DLC1: variants seen among roughly 807,000 people sequenced by gnomAD.
DLC1 encodes DLC1 Rho GTPase activating protein, also known as rho GTPase-activating protein 7.
In DLC1, 54 loss-of-function variants were observed where a neutral mutation model predicts 140.3. The ratio of observed to expected loss-of-function variants is 0.38; its 90% CI spans 0.31 to 0.48. The LOEUF is 0.48. Ranked by LOEUF, DLC1 falls within the 20% of genes least tolerant of loss-of-function variation. The pLI, the probability that DLC1 is intolerant of heterozygous loss-of-function variation, is 0.96. For missense variants in DLC1, 2,536 were observed against 1,907.0 expected (o/e 1.33, Z -6.14); for synonymous variants, 986 against 728.1 (o/e 1.35, Z -5.70).
At chr8:13,214,887 C>G (rs1828123671) in intron 5 of DLC1, 26 of 687,956 alleles carry the variant, frequency 3.8e-5, no homozygotes, top group Middle Eastern at 5.1e-4. Context: ...TTGTAAGCGC[C>G]TTGCTCCATG....
chr8:13,540,476 T>C (rs1803444995), intron 1 of DLC1, among the ~76,000 whole-genome samples: 2 of 152,190 alleles, frequency 1.3e-5, no homozygotes, highest in African/African-American at 4.8e-5. Flanking sequence ...TAACGTCCGA[T>C]ATTAAACAGA....
At chr8:13,368,902 C>G (rs907877554) in intron 4 of DLC1, among the ~76,000 whole-genome samples, 3 of 152,240 alleles carry the variant, frequency 2.0e-5, no homozygotes, top group African/African-American at 7.2e-5. Context: ...TGGCTCACTG[C>G]CACCTCTGCC....
chr8:13,578,318 C>G (rs1428889236), intron 1 of DLC1, among the ~76,000 whole-genome samples: 1 of 152,172 alleles, frequency 6.6e-6, no homozygotes, highest in Non-Finnish European at 1.5e-5. Context: ...GACACCAATT[C>G]TGAAGGAAAA....
At chr8:13,387,258 A>G (rs1026778854) in intron 4 of DLC1, among the ~76,000 whole-genome samples, 5 of 152,012 alleles carry the variant, frequency 3.3e-5, no homozygotes, top group African/African-American at 1.2e-4. Context: ...GAAAATAAAC[A>G]TTTCCAGTTT....
chr8:13,451,294 G>C (rs1799046907), intron 2 of DLC1, among the ~76,000 whole-genome samples: 1 of 151,954 alleles, frequency 6.6e-6, no homozygotes, highest in South Asian at 2.1e-4. Flanking sequence ...TTTTGGTACA[G>C]GCATGCAATG....
Position 13,096,794 on chromosome 8 carries a change from A to T in DLC1, c.3168-1549T>A, listed in dbSNP as rs186561302. On this transcript the variant is annotated intron_variant, in intron 10 of 17. Coordinates refer to ENST00000276297, the MANE Select transcript of DLC1 (RefSeq NM_182643.3). ...CCTTGCTTTGCCGACTTTCTCAAGCAACTTGGGTTTGCTACAGAGTGCTAC... is the reference window on the plus strand; with the variant it reads ...CCTTGCTTTGCCGACTTTCTCAAGCTACTTGGGTTTGCTACAGAGTGCTAC... Among the ~76,000 whole-genome samples, 393 of 152,356 alleles carry T rather than the reference A, an allele frequency of 2.6e-3. 3 individuals are homozygous for T. The highest frequency in any genetic ancestry group is 9.1e-3 in the African/African-American group (377 of 41,594).
chr8:13,442,126 G>A (rs1308204563), intron 2 of DLC1, among the ~76,000 whole-genome samples: 3 of 152,114 alleles, frequency 2.0e-5, no homozygotes, highest in African/African-American at 7.2e-5. Context: ...TTTAATAAAT[G>A]GTGCTGGGAA....
At chr8:13,586,972 CT>C (rs1468785863) in intron 1 of DLC1, among the ~76,000 whole-genome samples, 3 of 151,786 alleles carry the variant, frequency 2.0e-5, no homozygotes, top group African/African-American at 7.3e-5. Flanking sequence ...CATTGAGGAC[CT>C]TTTTAAACTT....
At chr8:13,544,814 T>C (rs1286813035) in intron 1 of DLC1, among the ~76,000 whole-genome samples, 3 of 152,232 alleles carry the variant, frequency 2.0e-5, no homozygotes, top group Non-Finnish European at 4.4e-5. Context: ...TCATTTCTTT[T>C]GGGAAATTCA....
intron 1 of DLC1, among the ~76,000 whole-genome samples, chr8:13,534,675 G>C (rs1187156665): frequency 1.3e-5 from 2 of 152,206 alleles, no homozygotes; most frequent in Admixed American, 6.5e-5. Context: ...ACCGGGTGCT[G>C]TTTGCCTGTC....
At chr8:13,324,691 T>A (rs1264233958) in intron 4 of DLC1, among the ~76,000 whole-genome samples, 1 of 152,192 alleles carries the variant, frequency 6.6e-6, no homozygotes, top group East Asian at 1.9e-4. Flanking sequence ...ATATAAACCA[T>A]GTACTTTTAC....
rs192385344 is a variant in DLC1, at chr8:13,402,518, C to T, written c.1024-899G>A. ...AAAAGCAACATCTACAGAGAAATGT[C>T]GCACATGCAGTGTTGGCTCTTTTGA... On this transcript the variant is annotated intron_variant, in intron 2 of 17. Transcript: ENST00000276297. Among the ~76,000 whole-genome samples, 414 of 152,296 alleles carry T rather than the reference C, an allele frequency of 2.7e-3. 2 individuals are homozygous for T. The highest frequency in any genetic ancestry group is 9.7e-3 in the African/African-American group (402 of 41,568).
intron 5 of DLC1, among the ~76,000 whole-genome samples, chr8:13,207,344 G>T (rs1475990909): frequency 6.6e-6 from 1 of 152,072 alleles, no homozygotes; most frequent in African/African-American, 2.4e-5. Flanking sequence ...TAAAAATTTT[G>T]CATCATGACT....
chr8:13,564,309 C>G (rs111499583), intron 1 of DLC1, among the ~76,000 whole-genome samples: 202 of 152,276 alleles, frequency 1.3e-3, no homozygotes, highest in African/African-American at 4.8e-3. Context: ...CATTTTTCAT[C>G]TTGAGTGATA....
At chr8:13,308,837 G>A (rs564249467) in intron 4 of DLC1, among the ~76,000 whole-genome samples, 1 of 152,152 alleles carries the variant, frequency 6.6e-6, no homozygotes, top group Non-Finnish European at 1.5e-5. Flanking sequence ...AGGAGGCATT[G>A]ATTGGGGGAT....
At chr8:13,218,873 TA>T (rs1299395417) in intron 5 of DLC1, among the ~76,000 whole-genome samples, 3 of 128,068 alleles carry the variant, frequency 2.3e-5, no homozygotes, top group African/African-American at 9.2e-5. Flanking sequence ...TGAATATAAT[TA>T]TATAATTATA....
intron 12 of DLC1, among the ~76,000 whole-genome samples, chr8:13,093,631 G>A (rs1289526427): frequency 6.6e-6 from 1 of 152,128 alleles, no homozygotes; most frequent in Non-Finnish European, 1.5e-5. Flanking sequence ...AGCTCCATAG[G>A]ACAAACTGAT....
chr8:13,102,445 G>C (rs2128939303), intron 8 of DLC1, among the ~76,000 whole-genome samples: 1 of 152,196 alleles, frequency 6.6e-6, no homozygotes, highest in African/African-American at 2.4e-5. Flanking sequence ...AGAAGAGTTG[G>C]AAATAAACCT....
chr8:13,363,763 G>A (rs1459877029), intron 4 of DLC1, among the ~76,000 whole-genome samples: 2 of 152,162 alleles, frequency 1.3e-5, no homozygotes, highest in East Asian at 1.9e-4. Flanking sequence ...CGCCAAGCAT[G>A]CTGAAACATT....
Sources: allele counts gnomAD v4.1 joint callset (sites outside exome capture counted in the v4.1 genomes callset), GRCh38; gene constraint gnomAD v4.1.1; transcripts MANE v1.5; gene names NCBI Gene and HGNC (gene_info 2026-07-23, HGNC 2026-07-21).